The following MBTPS2 variants were observed in gnomAD, a reference collection of about 807,000 sequenced individuals.
MBTPS2 encodes membrane bound transcription factor peptidase, site 2.
MBTPS2 carries 2 observed loss-of-function variants against 35.4 expected under a neutral mutation model. The ratio of observed to expected loss-of-function variants is 0.06; its 90% CI spans 0.02 to 0.18. MBTPS2 has a LOEUF of 0.18. Among genes scored for constraint, MBTPS2 ranks in the 10% least tolerant of loss-of-function variants. The pLI is 1.00. For missense variants in MBTPS2, 244 were observed against 386.5 expected, an observed-to-expected ratio of 0.63 and a Z score of 3.09; for synonymous variants, 125 against 140.4, an observed-to-expected ratio of 0.89 and a Z score of 0.77.
Position 21,884,249 on chromosome X carries a change from A to G in MBTPS2, c.*1594A>G. On this transcript the variant is annotated 3_prime_UTR_variant, in exon 11 of 11. Transcript: ENST00000379484. ...GAATTATTGGTTTATTCCAGAAAAT[A>G]CAGTATTTGTTCTATTTTTAGGTAG... 1.4e-6 allele frequency: 1 copy of G among 737,632 alleles called. No individual in the cohort carries two copies. The highest frequency in any genetic ancestry group is 6.9e-5 in the South Asian group (1 of 14,470). The allele number at this position is 737,632 out of a possible 1,213,427, so 60.8% of individuals were successfully genotyped here.
chrX:21,869,720 A>G, intron 7 of MBTPS2, 42 bp downstream of exon 7: 3 of 980,786 alleles, frequency 3.1e-6, no homozygotes, highest in Non-Finnish European at 4.4e-6. Context: ...TTCAAGCACC[A>G]GTACCTGCCA....
At chrX:21,869,352 TC>T in intron 6 of MBTPS2, 145 bp from the exon 7 acceptor site, 1 of 498,875 alleles carries the variant, frequency 2.0e-6, no homozygotes, top group Non-Finnish European at 3.5e-6. Flanking sequence ...ATTTTAATTT[TC>T]TAGGACTATG....
chrX:21,864,236 T>C (rs1193375493), intron 5 of MBTPS2, among the ~76,000 whole-genome samples: 1 of 112,244 alleles, frequency 8.9e-6, no homozygotes, highest in Non-Finnish European at 1.9e-5. Context: ...TGTTTTGTTT[T>C]TTGTTTGTTT....
intron 7 of MBTPS2, among the ~76,000 whole-genome samples, chrX:21,875,152 A>C (rs2092951662): frequency 8.9e-6 from 1 of 112,237 alleles, no homozygotes; most frequent in Admixed American, 9.5e-5. Context: ...AGGAAGAAAA[A>C]ACCAGAGATC....
At chrX:21,858,170 T>C (rs2092926240) in intron 5 of MBTPS2, 1 of 124,873 alleles carries the variant, frequency 8.0e-6, no homozygotes, top group African/African-American at 3.2e-5. Flanking sequence ...ATCTTGGTTG[T>C]AGTCTTGGAT....
intron 7 of MBTPS2, chrX:21,872,715 C>G (rs2092948685): frequency 9.2e-6 from 1 of 108,645 alleles, no homozygotes; most frequent in East Asian, 2.9e-4. Context: ...ATGGCTGGTC[C>G]AAATGCAGTT....
At chrX:21,862,671 C>T (rs1017337088) in intron 5 of MBTPS2, among the ~76,000 whole-genome samples, 19 of 104,300 alleles carry the variant, frequency 1.8e-4, no homozygotes, top group African/African-American at 6.6e-4. Flanking sequence ...ATTAGCCGGG[C>T]GTGGTGGGGG....
At chrX:21,874,267 C>A (rs1451105993) in intron 7 of MBTPS2, among the ~76,000 whole-genome samples, 1 of 107,024 alleles carries the variant, frequency 9.3e-6, no homozygotes, top group Non-Finnish European at 1.9e-5. Flanking sequence ...TCAGGTGATC[C>A]CCCCGCCTCG....
At chrX:21,871,844 C>T (rs186598982) in intron 7 of MBTPS2, 16 of 110,015 alleles carry the variant, frequency 1.5e-4, no homozygotes, top group African/African-American at 4.3e-4. Context: ...TTTCTATAAA[C>T]TGCTAATTAG....
At chrX:21,863,859 AG>A (rs2092936354) in intron 5 of MBTPS2, among the ~76,000 whole-genome samples, 1 of 111,799 alleles carries the variant, frequency 8.9e-6, no homozygotes, top group South Asian at 3.8e-4. Context: ...TTCCCAGGCA[AG>A]GGGGCAAGGT....
At chrX:21,862,768 G>A (rs888704741) in intron 5 of MBTPS2, among the ~76,000 whole-genome samples, 4 of 102,329 alleles carry the variant, frequency 3.9e-5, no homozygotes, top group Non-Finnish European at 7.9e-5. Flanking sequence ...CCGAGATTGC[G>A]CCACTGCACT....
In MBTPS2 at chrX:21,861,338, C is replaced by G. The variant is rs372597053; in HGVS notation, c.671-7129C>G. On this transcript the variant is annotated intron_variant, in intron 5 of 10. Transcript: ENST00000379484. Reference sequence around the variant, plus strand: ...CCATTTCTAGGTAATTTTTCATACCCTTGCAGATGCATACTTAACTGGACG... The same window carrying G: ...CCATTTCTAGGTAATTTTTCATACCGTTGCAGATGCATACTTAACTGGACG... Among the ~76,000 whole-genome samples, 21 of 111,504 alleles carry G rather than the reference C, an allele frequency of 1.9e-4. 1 individual carries two copies. The East Asian group carries it at 3.3e-3, about 18-fold the overall frequency.
At chrX:21,842,847 T>C (rs2092904237) in intron 1 of MBTPS2, among the ~76,000 whole-genome samples, 1 of 111,470 alleles carries the variant, frequency 9.0e-6, no homozygotes, top group Non-Finnish European at 1.9e-5. Flanking sequence ...CCACAGAGGG[T>C]CTCTGTCGCA....
At chrX:21,849,123 A>G (rs2092911899) in intron 3 of MBTPS2, among the ~76,000 whole-genome samples, 1 of 112,116 alleles carries the variant, frequency 8.9e-6, no homozygotes, top group Non-Finnish European at 1.9e-5. Flanking sequence ...ATATGTCATT[A>G]CCACCCATAG....
At chrX:21,850,026 C>CAAA (rs757928757) in intron 3 of MBTPS2, among the ~76,000 whole-genome samples, 17 of 27,302 alleles carry the variant, frequency 6.2e-4, no homozygotes, top group East Asian at 1.1e-3. Context: ...GACTCCGTCT[C>CAAA]AAAAAAAAAA....
intron 5 of MBTPS2, chrX:21,856,094 A>T (rs1183907230): frequency 2.4e-5 from 4 of 164,368 alleles, no homozygotes; most frequent in Non-Finnish European, 4.6e-5. Flanking sequence ...TGAAATACAT[A>T]AAAAATCAGT....
chrX:21,873,995 GTGTGTGTA>G (rs201841465), intron 7 of MBTPS2, among the ~76,000 whole-genome samples: 2 of 66,661 alleles, frequency 3.0e-5, no homozygotes, highest in Non-Finnish European at 5.3e-5. Flanking sequence ...GTGTGTGTGT[GTGTGTGTA>G]TATATATATA....
At chrX:21,862,933 C>CAGATATATAT in intron 5 of MBTPS2, among the ~76,000 whole-genome samples, 1 of 27,685 alleles carries the variant, frequency 3.6e-5, no homozygotes, top group South Asian at 2.8e-3. Context: ...TATATATAAA[C>CAGATATATAT]ATATATATAT....
intron 7 of MBTPS2, among the ~76,000 whole-genome samples, chrX:21,876,925 G>A (rs111434576): frequency 1.1e-4 from 12 of 111,591 alleles, no homozygotes; most frequent in African/African-American, 2.0e-4. Context: ...ATAATTTGGC[G>A]CTTGAGTCTA....
Sources: gnomAD v4.1 joint callset for allele counts (sites outside exome capture counted in the v4.1 genomes callset) on GRCh38, gnomAD v4.1.1 for gene constraint, MANE v1.5 for transcripts, NCBI Gene and HGNC (gene_info 2026-07-23, HGNC 2026-07-21) for gene names.